PCID2: variants seen among roughly 807,000 people sequenced by gnomAD.
PCID2 encodes the protein PCI domain containing 2.
Under a neutral mutation model 61.3 loss-of-function variants are expected in PCID2, and 41 were observed. The ratio of observed to expected loss-of-function variants is 0.67; its 90% CI spans 0.52 to 0.87. The LOEUF is 0.87. Among genes scored for constraint, PCID2 ranks in the 40% least tolerant of loss-of-function variants. PCID2 has a pLI of 0.00. For synonymous variants in PCID2, 187 were observed against 177.8 expected (o/e 1.05, Z -0.41); for missense variants, 392 against 493.4 (o/e 0.79, Z 1.95).
chr13:113,200,794 A>T, intron 1 of PCID2: 1 of 282,030 alleles, frequency 3.5e-6, no homozygotes, highest in South Asian at 3.3e-5. Flanking sequence ...ATTTCATTTC[A>T]AAATAGGTTG....
At chr13:113,182,777 C>T (rs1485601516) in intron 9 of PCID2, among the ~76,000 whole-genome samples, 3 of 152,178 alleles carry the variant, frequency 2.0e-5, no homozygotes, top group East Asian at 1.9e-4. Flanking sequence ...CGTGAGCCAC[C>T]GCGCCCGGCC....
chr13:113,198,632 G>C (rs2138891437), intron 2 of PCID2, among the ~76,000 whole-genome samples: 1 of 152,356 alleles, frequency 6.6e-6, no homozygotes, highest in South Asian at 2.1e-4. Flanking sequence ...TTGAACATGG[G>C]TGGGGGAGGT....
chr13:113,191,364 G>A (rs1399582854), intron 6 of PCID2, among the ~76,000 whole-genome samples: 1 of 151,996 alleles, frequency 6.6e-6, no homozygotes, highest in Admixed American at 6.6e-5. Context: ...CAAAAAATGG[G>A]TACAATTAAG....
chr13:113,185,556 C>T lies in PCID2; in HGVS notation c.472G>A (p.Ala158Thr), dbSNP rs201967999. The T allele has an allele frequency of 6.2e-7, 1 of 1,606,010 alleles. No homozygotes were observed. Among genetic ancestry groups the T allele is most frequent in the Non-Finnish European group, 8.5e-7 (1 of 1,173,122 alleles). The change falls in exon 8 of 14, where the codon GCT (alanine) becomes ACT (threonine). Residue 158 changes from alanine (A) to threonine (T), a missense_variant. Around this residue, in one of 3 missense-constraint regions of PCID2, gnomAD observed 11 missense variants for 32.0 expected, o/e 0.34. Transcript: ENST00000337344. ...CFRVCASDTR[A>T]GIEDSKKWGM... is the part of the protein sequence containing the mutation. ...CACTTCTTAGAGTCCTCTATACCAGCACGGCTATGGGGAAATAATTTTTTT... is the reference window on the plus strand; with the variant it reads ...CACTTCTTAGAGTCCTCTATACCAGTACGGCTATGGGGAAATAATTTTTTT...
intron 3 of PCID2, among the ~76,000 whole-genome samples, chr13:113,197,603 T>C (rs1479143208): frequency 6.6e-6 from 1 of 152,218 alleles, no homozygotes; most frequent in East Asian, 1.9e-4. Flanking sequence ...TATCGCACAC[T>C]GCACAGAGCT....
the PCID2 span, among the ~76,000 whole-genome samples, chr13:113,170,698 C>A: frequency 6.6e-6 from 1 of 152,030 alleles, no homozygotes; most frequent in African/African-American, 2.4e-5. Context: ...ATGTAAAATA[C>A]CAGCAGAAGC....
intron 7 of PCID2, among the ~76,000 whole-genome samples, chr13:113,189,177 G>T (rs2038384290): frequency 1.3e-5 from 2 of 152,064 alleles, no homozygotes; most frequent in Admixed American, 1.3e-4. Flanking sequence ...CTCCTCTCTT[G>T]CCATGTAGTG....
At chr13:113,202,794 G>T (rs990579077) in intron 1 of PCID2, among the ~76,000 whole-genome samples, 5 of 152,188 alleles carry the variant, frequency 3.3e-5, no homozygotes, top group Non-Finnish European at 5.9e-5. Context: ...GTGGAATGAG[G>T]TGAGAGAGAG....
At position 113,180,242 on chromosome 13, in the gene PCID2, AT is replaced by A. The variant is rs1271325781; in HGVS notation, c.787-12del. 1.9e-6 allele frequency: 3 copies of A among 1,593,752 alleles called. No individual in the cohort carries two copies. Among genetic ancestry groups the A allele is most frequent in the Admixed American group, 3.3e-5 (2 of 59,896 alleles). On this transcript the variant is annotated splice_polypyrimidine_tract_variant and intron_variant, in intron 10 of 13. Transcript: ENST00000337344. ...AGTGGGCATGTGACCCTAAGAGTCA[AT>A]TTTCCAGAATGAAAATGCTTTCATT...
At chr13:113,192,281 T>G (rs775482347) in intron 6 of PCID2, among the ~76,000 whole-genome samples, 1 of 152,230 alleles carries the variant, frequency 6.6e-6, no homozygotes, top group East Asian at 1.9e-4. Context: ...TCCTTGATAA[T>G]GCAGTAAATA....
intron 5 of PCID2, 59 bp from the exon 6 acceptor site, chr13:113,195,184 A>T (rs559576129): frequency 3.9e-6 from 4 of 1,020,680 alleles, no homozygotes; most frequent in Non-Finnish European, 6.3e-6. Flanking sequence ...TTCCATCCCC[A>T]GAGGTGGGAA....
chr13:113,196,134 T>A, intron 5 of PCID2, 47 bp downstream of exon 5: 5 of 1,425,450 alleles, frequency 3.5e-6, no homozygotes, highest in Non-Finnish European at 4.9e-6. Flanking sequence ...AAGATTCTGC[T>A]AAAAAAATTG....
intron 7 of PCID2, chr13:113,185,891 TGAAAAATG>T (rs921403152): frequency 9.7e-6 from 2 of 206,008 alleles, no homozygotes; most frequent in African/African-American, 2.3e-5. Flanking sequence ...AAACCGTTTT[TGAAAAATG>T]GAAAAATAGG....
Position 113,195,071 on chromosome 13 carries a change from A to G in PCID2, c.363T>C (p.Asn121=). ...AATAATGACAGCAAATTAAACTTACATTATTGGCAAACACTCGAAGGTCAA... is the reference window on the plus strand; with the variant it reads ...AATAATGACAGCAAATTAAACTTACGTTATTGGCAAACACTCGAAGGTCAA... ...VALDLRVFAN[N]ADQQLVKKGK... is the part of the protein sequence containing the mutation. The change falls in exon 6 of 14, where the codon AAT becomes AAC. Residue 121 remains asparagine (N), a splice_region_variant and synonymous_variant. Coordinates refer to ENST00000337344, the MANE Select transcript of PCID2 (RefSeq NM_001127202.4). The G allele has an allele frequency of 6.3e-7, 1 of 1,596,882 alleles. No individual in the cohort carries two copies. The highest frequency in any genetic ancestry group is 8.6e-7 in the Non-Finnish European group (1 of 1,164,122).
intron 9 of PCID2, among the ~76,000 whole-genome samples, chr13:113,182,485 T>C (rs747961215): frequency 8.5e-5 from 13 of 152,194 alleles, no homozygotes; most frequent in Non-Finnish European, 1.8e-4. Context: ...TTCTCCTGGA[T>C]GTACAAAAAA....
At chr13:113,187,217 T>C (rs1334879332) in intron 7 of PCID2, 2 of 152,206 alleles carry the variant, frequency 1.3e-5, no homozygotes, top group Non-Finnish European at 2.9e-5. Flanking sequence ...GCTACACGCA[T>C]GGTAATATCG....
intron 6 of PCID2, among the ~76,000 whole-genome samples, chr13:113,191,329 C>G (rs1459069265): frequency 6.6e-6 from 1 of 152,008 alleles, no homozygotes; most frequent in East Asian, 1.9e-4. Context: ...CCATTGTGCC[C>G]AGCCAAAACA....
chr13:113,208,378 AC>A, intron 1 of PCID2: 2 of 1,434,966 alleles, frequency 1.4e-6, no homozygotes, highest in Non-Finnish European at 1.8e-6. Flanking sequence ...ATCCACGGAC[AC>A]CGCCCGGCCC....
intron 1 of PCID2, among the ~76,000 whole-genome samples, chr13:113,202,014 A>G (rs906849435): frequency 4.6e-5 from 7 of 152,206 alleles, no homozygotes; most frequent in Non-Finnish European, 2.9e-5. Flanking sequence ...CTACACACCC[A>G]CAAGAGTACT....
Sources: gnomAD v4.1 joint callset for allele counts (sites outside exome capture counted in the v4.1 genomes callset) on GRCh38, gnomAD v4.1.1 for gene constraint, gnomAD v4.1.1 regional missense constraint, MANE v1.5 for transcripts, NCBI Gene and HGNC (gene_info 2026-07-23, HGNC 2026-07-21) for gene names.